The following YBX1 variants were observed in gnomAD, a reference collection of about 807,000 sequenced individuals.
YBX1 encodes Y-box-binding protein 1.
In YBX1, 3 loss-of-function variants were observed where a neutral mutation model predicts 41.4. The observed-to-expected ratio is 0.07, with a 90% CI of 0.03 to 0.19. YBX1 has a LOEUF of 0.19. Ranked by LOEUF, YBX1 falls within the 10% of genes least tolerant of loss-of-function variation. YBX1 has a pLI of 1.00. For missense variants in YBX1, 274 were observed against 462.8 expected (o/e 0.59, Z 3.74); for synonymous variants, 133 against 165.8 (o/e 0.80, Z 1.52).
Position 42,691,871 on chromosome 1 carries a change from A to T in YBX1, c.231-1619A>T, listed in dbSNP as rs5773784. On this transcript the variant is annotated intron_variant, in intron 2 of 7. Transcript: ENST00000321358. Reference sequence around the variant, plus strand: ...CTTTGGAAAAAAATTTTATTTTTTTATTTTTTTTGAGATGGAATCTCACTC... The same window carrying T: ...CTTTGGAAAAAAATTTTATTTTTTTTTTTTTTTTGAGATGGAATCTCACTC... 1.7e-3 allele frequency among the ~76,000 whole-genome samples: 214 copies of T among 125,974 alleles called. 1 individual carries two copies. In the East Asian group the frequency reaches 0.029, roughly 17 times the overall value. The allele number at this position is 125,974 out of a possible 152,430, so 82.6% of individuals were successfully genotyped here.
At chr1:42,683,303 C>A (rs1417432430) in intron 1 of YBX1, 100 bp from the exon 2 acceptor site, 1 of 1,428,474 alleles carries the variant, frequency 7.0e-7, no homozygotes, top group Non-Finnish European at 9.9e-7. Flanking sequence ...GTCAGGTGGC[C>A]GCGGCGGCCG....
At chr1:42,688,483 C>A (rs565833653) in intron 2 of YBX1, among the ~76,000 whole-genome samples, 8 of 152,140 alleles carry the variant, frequency 5.3e-5, no homozygotes, top group African/African-American at 1.9e-4. Flanking sequence ...CATAACTGCA[C>A]GACATTCACT....
chr1:42,694,925 TGGG>T (rs1256566930), intron 3 of YBX1, among the ~76,000 whole-genome samples: 1 of 152,162 alleles, frequency 6.6e-6, no homozygotes, highest in Non-Finnish European at 1.5e-5. Flanking sequence ...GGGTTGGGGT[TGGG>T]GCAGGGGTGG....
At position 42,695,475 on chromosome 1, in the gene YBX1, G is replaced by A. The variant is rs559206485; in HGVS notation, c.265-724G>A. ...TTTCACATGTCCTGTCTCATAATGA[G>A]ATTGAATAGATAGTAAGTGAAAGAA... On this transcript the variant is annotated intron_variant, in intron 3 of 7. Transcript: ENST00000321358. Among the ~76,000 whole-genome samples, 3 of 152,318 alleles carry A rather than the reference G, an allele frequency of 2.0e-5. No homozygotes were observed. The East Asian group carries it at 5.8e-4, about 29-fold the overall frequency.
Position 42,683,409 on chromosome 1 carries a change from A to G in YBX1, c.173A>G (p.Lys58Arg). The change falls in exon 2 of 8, where the codon AAG becomes AGG. Residue 58 changes from lysine (K) to arginine (R), a missense_variant. Physicochemically the swap from Lys to Arg is conservative, Grantham distance 26. This residue lies in a region of YBX1 where 84 missense variants were observed against 130.8 expected (regional missense o/e 0.64). Transcript: ENST00000321358. Reference sequence around the variant, plus strand: ...GCTTTGTTTTCTTTTCCAGCAACGAAGGTTTTGGGAACAGTAAAATGGTTC... The same window carrying G: ...GCTTTGTTTTCTTTTCCAGCAACGAGGGTTTTGGGAACAGTAAAATGGTTC... ...AGGDKKVIATKVLGTVKWFNV... is the reference protein window; with the variant it reads ...AGGDKKVIATRVLGTVKWFNV... The G allele has an allele frequency of 6.2e-7, 1 of 1,614,206 alleles. No homozygotes were observed. Among genetic ancestry groups the G allele is most frequent in the Non-Finnish European group, 8.5e-7 (1 of 1,180,020 alleles).
intron 2 of YBX1, among the ~76,000 whole-genome samples, chr1:42,686,159 A>T (rs1436724510): frequency 6.6e-6 from 1 of 152,202 alleles, no homozygotes; most frequent in Non-Finnish European, 1.5e-5. Flanking sequence ...GTTTATAGTG[A>T]CCAGAATAGG....
intron 2 of YBX1, among the ~76,000 whole-genome samples, chr1:42,685,074 C>T (rs767860328): frequency 2.6e-5 from 4 of 152,204 alleles, no homozygotes; most frequent in Non-Finnish European, 4.4e-5. Context: ...TGCAAATTTG[C>T]AGCCTTTTCA....
In YBX1 at chr1:42,693,449, A is replaced by G. The variant is rs201654582; in HGVS notation, c.231-41A>G. ...ATTAATCTTTGACAACATGAGATTTATTTCATTTTCTAACTTGTTCAACTT... is the reference window on the plus strand; with the variant it reads ...ATTAATCTTTGACAACATGAGATTTGTTTCATTTTCTAACTTGTTCAACTT... On this transcript the variant is annotated intron_variant, in intron 2 of 7. Transcript: ENST00000321358. 238 of 1,610,148 alleles carry G rather than the reference A, an allele frequency of 1.5e-4. 1 individual carries two copies. The East Asian group carries it at 4.4e-3, about 29-fold the overall frequency.
rs1650074289 is a variant in YBX1 at position 42,682,877 on chromosome 1, A to ACTCCCTCTCG, written c.166+148_166+157dup. The ACTCCCTCTCG allele has an allele frequency of 1.3e-5, 3 of 231,426 alleles. No individual in the cohort carries two copies. In the East Asian group the frequency reaches 2.3e-4, roughly 18 times the overall value. The allele number at this position is 231,426 out of a possible 1,614,324, so 14.3% of individuals were successfully genotyped here. A position where few individuals can be genotyped will look rare whatever the true frequency, so the allele number is the denominator to read the frequency against. ...CGCCCATCCCCCCCGTCCCCCCCTCACTCCCTCTCGCGGGGACCCGCCCGG... is the reference window on the plus strand; with the variant it reads ...CGCCCATCCCCCCCGTCCCCCCCTCACTCCCTCTCGCTCCCTCTCGCGGGGACCCGCCCGG... On this transcript the variant is annotated intron_variant, in intron 1 of 7. Coordinates refer to ENST00000321358, the MANE Select transcript of YBX1 (RefSeq NM_004559.5).
Position 42,683,407 on chromosome 1 carries a change from G to T in YBX1, c.171G>T (p.Thr57=). ...PAGGDKKVIA[T]KVLGTVKWFN... is the part of the protein sequence containing the mutation. ...TTGCTTTGTTTTCTTTTCCAGCAAC[G>T]AAGGTTTTGGGAACAGTAAAATGGT... The change falls in exon 2 of 8, where the codon ACG becomes ACT. Residue 57 remains threonine, a synonymous_variant. Coordinates refer to ENST00000321358, the MANE Select transcript of YBX1 (RefSeq NM_004559.5). 1 of 1,614,200 alleles carries T rather than the reference G, an allele frequency of 6.2e-7. No homozygotes were observed. The highest frequency in any genetic ancestry group is 8.5e-7 in the Non-Finnish European group (1 of 1,180,024).
intron 6 of YBX1, among the ~76,000 whole-genome samples, chr1:42,700,122 C>CA (rs1039182145): frequency 6.6e-6 from 1 of 152,130 alleles, no homozygotes; most frequent in Non-Finnish European, 1.5e-5. Context: ...GTTGAAGATT[C>CA]ATCATGAGTT....
intron 6 of YBX1, among the ~76,000 whole-genome samples, chr1:42,698,841 T>G (rs974356513): frequency 6.6e-6 from 1 of 152,224 alleles, no homozygotes; most frequent in Admixed American, 6.5e-5. Context: ...TTGGAAGTTA[T>G]CAATGAATGC....
chr1:42,693,566 G>A (rs372069403), intron 3 of YBX1, 43 bp downstream of exon 3: 4 of 1,605,172 alleles, frequency 2.5e-6, no homozygotes, highest in Non-Finnish European at 3.4e-6. Flanking sequence ...TTCAAGGATT[G>A]TAAGAAGAAA....
rs1350447492 is a variant in YBX1 at position 42,701,525 on chromosome 1, A to ATT, written c.*32-455_*32-454dup. On this transcript the variant is annotated intron_variant, in intron 7 of 7. Coordinates refer to ENST00000321358, the MANE Select transcript of YBX1 (RefSeq NM_004559.5). The stretch of plus-strand genomic sequence containing the variant: ...TAATATAATCTTTTAATCATTTCTA[A>ATT]TTGTTTTTTTTTTTTGTTGGTTTAT... Among the ~76,000 whole-genome samples, 4 of 148,612 alleles carry ATT rather than the reference A, an allele frequency of 2.7e-5. No individual in the cohort carries two copies. In the East Asian group the frequency reaches 6.1e-4, roughly 23 times the overall value.
At chr1:42,689,174 A>T (rs544141505) in intron 2 of YBX1, among the ~76,000 whole-genome samples, 1 of 152,332 alleles carries the variant, frequency 6.6e-6, no homozygotes, top group South Asian at 2.1e-4. Context: ...GGAAACATAC[A>T]GTTTGTCCGA....
chr1:42,698,784 A>G (rs1269118042), intron 6 of YBX1, among the ~76,000 whole-genome samples: 1 of 152,238 alleles, frequency 6.6e-6, no homozygotes, highest in Non-Finnish European at 1.5e-5. Flanking sequence ...TTCAATGTTT[A>G]GAATGCTCAG....
intron 2 of YBX1, among the ~76,000 whole-genome samples, chr1:42,687,020 G>A (rs937709507): frequency 6.6e-6 from 1 of 152,188 alleles, no homozygotes; most frequent in Non-Finnish European, 1.5e-5. Flanking sequence ...ACTCTTAAAT[G>A]ATCCAAGTAT....
In YBX1 at chr1:42,703,781, A is replaced by G. The variant is rs1029687041; in HGVS notation, c.*1832A>G. The stretch of plus-strand genomic sequence containing the variant: ...ATTGTAAGTTGACTGCAGTGTTGCC[A>G]ACATTAAATGCAGTTTCAACTTAAT... On this transcript the variant is annotated 3_prime_UTR_variant, in exon 8 of 8. Transcript: ENST00000321358. Among the ~76,000 whole-genome samples the G allele has an allele frequency of 6.6e-6, 1 of 152,226 alleles. No individual in the cohort carries two copies. The highest frequency in any genetic ancestry group is 2.4e-5 in the African/African-American group (1 of 41,458).
chr1:42,692,032 A>C (rs1056640886), intron 2 of YBX1, among the ~76,000 whole-genome samples: 3 of 152,100 alleles, frequency 2.0e-5, no homozygotes, highest in African/African-American at 7.2e-5. Context: ...TTGTAATTTT[A>C]GTAGAGACGA....
Sources: allele counts gnomAD v4.1 joint callset (sites outside exome capture counted in the v4.1 genomes callset), GRCh38; gene constraint gnomAD v4.1.1; regional missense constraint gnomAD v4.1.1; transcripts MANE v1.5; gene names NCBI Gene and HGNC (gene_info 2026-07-23, HGNC 2026-07-21).